The following GABRB1 variants were observed in gnomAD, a reference collection of about 807,000 sequenced individuals.
GABRB1 encodes the protein gamma-aminobutyric acid receptor subunit beta-1.
Under a neutral mutation model 51.6 loss-of-function variants are expected in GABRB1, and 17 were observed. The observed-to-expected ratio is 0.33, with a 90% confidence interval of 0.23 to 0.49. GABRB1 has a LOEUF of 0.49. GABRB1 is among the 20% of genes least tolerant of loss of function. GABRB1 has a pLI of 0.99. For synonymous variants in GABRB1, 247 were observed against 218.9 expected (o/e 1.13, Z -1.14); for missense variants, 410 against 600.6 (o/e 0.68, Z 3.32).
intron 8 of GABRB1, among the ~76,000 whole-genome samples, chr4:47,419,815 A>G (rs2110066238): frequency 6.6e-6 from 1 of 152,320 alleles, no homozygotes; most frequent in Non-Finnish European, 1.5e-5. Flanking sequence ...GCCAGGAAAT[A>G]TGCCTGTCTA....
chr4:47,315,207 A>G (rs1724840478), intron 4 of GABRB1, among the ~76,000 whole-genome samples: 3 of 151,884 alleles, frequency 2.0e-5, no homozygotes, highest in Admixed American at 6.6e-5. Flanking sequence ...AAATGAACAA[A>G]CCCATTAAAA....
intron 4 of GABRB1, among the ~76,000 whole-genome samples, chr4:47,182,751 A>G (rs1038538727): frequency 1.3e-5 from 2 of 152,010 alleles, no homozygotes; most frequent in African/African-American, 4.8e-5. Context: ...AGTTGCTTTA[A>G]TAGTTAAAAA....
At chr4:47,327,599 T>A (rs988066449) in intron 5 of GABRB1, among the ~76,000 whole-genome samples, 2 of 152,210 alleles carry the variant, frequency 1.3e-5, no homozygotes, top group Admixed American at 6.5e-5. Flanking sequence ...ACTTTTACAC[T>A]GGTTTCTTGT....
At chr4:47,114,658 A>G (rs1715388960) in intron 3 of GABRB1, among the ~76,000 whole-genome samples, 2 of 152,196 alleles carry the variant, frequency 1.3e-5, no homozygotes, top group South Asian at 4.2e-4. Flanking sequence ...ATATAGTCAC[A>G]GGCATTTTAA....
chr4:47,179,574 T>C (rs1484931006), intron 4 of GABRB1, among the ~76,000 whole-genome samples: 2 of 152,132 alleles, frequency 1.3e-5, no homozygotes, highest in African/African-American at 4.8e-5. Context: ...TACCAACATA[T>C]ATGTTTTACT....
At chr4:47,134,658 G>A (rs776051627) in intron 3 of GABRB1, among the ~76,000 whole-genome samples, 5 of 152,148 alleles carry the variant, frequency 3.3e-5, no homozygotes, top group Admixed American at 3.3e-4. Context: ...ATGTGTGATT[G>A]ACATTCCTAG....
At chr4:47,233,530 A>G (rs1432158943) in intron 4 of GABRB1, among the ~76,000 whole-genome samples, 1 of 152,108 alleles carries the variant, frequency 6.6e-6, no homozygotes, top group Non-Finnish European at 1.5e-5. Flanking sequence ...TTCTCATTAC[A>G]TATATGATTC....
At chr4:47,241,770 G>T (rs1438204078) in intron 4 of GABRB1, among the ~76,000 whole-genome samples, 2 of 152,160 alleles carry the variant, frequency 1.3e-5, no homozygotes, top group African/African-American at 4.8e-5. Context: ...CTTTGATTAT[G>T]CAGGGGACAT....
chr4:47,214,246 T>A (rs947691668), intron 4 of GABRB1, among the ~76,000 whole-genome samples: 1 of 152,206 alleles, frequency 6.6e-6, no homozygotes, highest in African/African-American at 2.4e-5. Context: ...CAGTCCTCAA[T>A]GTTTACCACG....
chr4:47,305,278 C>T (rs1410050451), intron 4 of GABRB1, among the ~76,000 whole-genome samples: 1 of 151,926 alleles, frequency 6.6e-6, no homozygotes, highest in Non-Finnish European at 1.5e-5. Flanking sequence ...GTCCAACTGA[C>T]AATGATCTGT....
At chr4:47,392,748 G>C (rs954183468) in intron 5 of GABRB1, among the ~76,000 whole-genome samples, 8 of 152,222 alleles carry the variant, frequency 5.3e-5, no homozygotes, top group African/African-American at 1.9e-4. Flanking sequence ...GTAGAGCACA[G>C]AAAGTGGAGT....
intron 5 of GABRB1, among the ~76,000 whole-genome samples, chr4:47,375,023 A>T (rs1042339572): frequency 6.6e-6 from 1 of 152,264 alleles, no homozygotes; most frequent in Admixed American, 6.5e-5. Context: ...CCACATGGAT[A>T]TTTTAATATT....
chr4:47,066,271 T>C (rs562892912), intron 3 of GABRB1, among the ~76,000 whole-genome samples: 2 of 152,352 alleles, frequency 1.3e-5, no homozygotes, highest in South Asian at 4.1e-4. Context: ...AATATGCTAA[T>C]GATCATCTTG....
intron 4 of GABRB1, among the ~76,000 whole-genome samples, chr4:47,284,977 T>C (rs1172197196): frequency 6.6e-6 from 1 of 152,222 alleles, no homozygotes; most frequent in Non-Finnish European, 1.5e-5. Flanking sequence ...TCGTACCCCA[T>C]GAAATAAGGA....
intron 4 of GABRB1, among the ~76,000 whole-genome samples, chr4:47,318,671 A>G (rs943679243): frequency 5.3e-5 from 8 of 152,050 alleles, no homozygotes; most frequent in African/African-American, 1.9e-4. Flanking sequence ...AACTCTACAT[A>G]TCCTATCTGG....
At chr4:47,339,476 G>A (rs1267486932) in intron 5 of GABRB1, among the ~76,000 whole-genome samples, 1 of 151,792 alleles carries the variant, frequency 6.6e-6, no homozygotes, top group Non-Finnish European at 1.5e-5. Context: ...ACTAATTATT[G>A]CATTCAACCA....
chr4:47,039,876 A>G (rs2109485319), intron 3 of GABRB1, among the ~76,000 whole-genome samples: 1 of 152,326 alleles, frequency 6.6e-6, no homozygotes, highest in South Asian at 2.1e-4. Context: ...AGCAAGTTGT[A>G]GGACAATGTC....
At chr4:47,316,853 A>T (rs776737362) in intron 4 of GABRB1, among the ~76,000 whole-genome samples, 1 of 151,964 alleles carries the variant, frequency 6.6e-6, no homozygotes, top group Non-Finnish European at 1.5e-5. Context: ...TCAATGCTGT[A>T]TAAATAAAAT....
intron 3 of GABRB1, among the ~76,000 whole-genome samples, chr4:47,135,336 C>T (rs184601023): frequency 6.9e-4 from 105 of 152,158 alleles, no homozygotes; most frequent in East Asian, 6.6e-3. Context: ...ATATAAAGAT[C>T]AGTGCTATTG....
Sources: allele counts gnomAD v4.1 joint callset (sites outside exome capture counted in the v4.1 genomes callset), GRCh38; gene constraint gnomAD v4.1.1; transcripts MANE v1.5; gene names NCBI Gene and HGNC (gene_info 2026-07-23, HGNC 2026-07-21).